NDUFA10: variants seen among roughly 807,000 people sequenced by gnomAD.
NDUFA10 encodes the protein NADH dehydrogenase [ubiquinone] 1 alpha subcomplex subunit 10, mitochondrial.
A neutral mutation model predicts 47.8 loss-of-function variants in NDUFA10; 40 were observed. The observed-to-expected ratio is 0.84, with a 90% CI of 0.65 to 1.09. The LOEUF (loss-of-function observed/expected upper bound fraction) is 1.09. NDUFA10 is among the 50% of genes least tolerant of loss of function. The probability of loss-of-function intolerance (pLI) is 0.00; values close to 1 mark genes in which losing one functional copy is unlikely to be tolerated. For synonymous variants in NDUFA10, 183 were observed against 172.2 expected (o/e 1.06, Z -0.49); for missense variants, 413 against 451.1 (o/e 0.92, Z 0.76).
At chr2:240,023,659 A>G (rs1697736078) in intron 1 of NDUFA10, among the ~76,000 whole-genome samples, 1 of 152,236 alleles carries the variant, frequency 6.6e-6, no homozygotes, top group Admixed American at 6.5e-5. Flanking sequence ...ATGGAATACT[A>G]AGTACTCAGA....
chr2:239,973,425 C>T, intron 9 of NDUFA10: 1 of 444,342 alleles, frequency 2.3e-6, no homozygotes, highest in East Asian at 7.0e-5. Context: ...ATAAAAACAT[C>T]TCTGTTTTAA....
chr2:239,971,787 A>G (rs560240457), intron 9 of NDUFA10, among the ~76,000 whole-genome samples: 17 of 152,310 alleles, frequency 1.1e-4, no homozygotes, highest in African/African-American at 4.1e-4. Context: ...TGTAACTTTT[A>G]GTGTGCTAAC....
In NDUFA10 at chr2:239,906,616, C is replaced by A. The variant is rs1262700057; in HGVS notation, c.295-11302G>T. On this transcript the variant is annotated intron_variant, in intron 4 of 5. Coordinates refer to the NDUFA10 transcript ENST00000419408. The surrounding 1 kb of genome is among the most constrained non-coding windows in gnomAD (Gnocchi z 4.3). ...CAGTGCACCCCATGGATGGCAAGAG[C>A]CAACCAGCGTGCCCCCGGGAATGCT... Among the ~76,000 whole-genome samples, 1 of 152,156 alleles carries A rather than the reference C, an allele frequency of 6.6e-6. No homozygotes were observed. Among genetic ancestry groups the A allele is most frequent in the Non-Finnish European group, 1.5e-5 (1 of 68,024 alleles).
chr2:239,939,064 C>T (rs962796100), intron 4 of NDUFA10, among the ~76,000 whole-genome samples: 18 of 152,190 alleles, frequency 1.2e-4, no homozygotes, highest in African/African-American at 4.1e-4. Context: ...GCTCTCCTTT[C>T]GCAGGGCTTA....
At chr2:239,991,321 T>C (rs1380167911) in intron 8 of NDUFA10, among the ~76,000 whole-genome samples, 1 of 152,216 alleles carries the variant, frequency 6.6e-6, no homozygotes, top group Admixed American at 6.5e-5. Flanking sequence ...GATCCAATAA[T>C]GCAAATGCCC....
At chr2:239,931,831 CTTTTTT>C (rs35581568) in intron 4 of NDUFA10, among the ~76,000 whole-genome samples, 2 of 90,184 alleles carry the variant, frequency 2.2e-5, no homozygotes, top group African/African-American at 4.6e-5. Flanking sequence ...TGCACCTCTG[CTTTTTT>C]TTTTTTTTTT....
At chr2:239,983,990 T>C (rs1160971916) in intron 9 of NDUFA10, among the ~76,000 whole-genome samples, 1 of 152,156 alleles carries the variant, frequency 6.6e-6, no homozygotes, top group Non-Finnish European at 1.5e-5. Flanking sequence ...CCCAGCACTT[T>C]GGGAGGCTGA....
intron 9 of NDUFA10, among the ~76,000 whole-genome samples, chr2:239,986,803 A>G (rs1696020307): frequency 6.6e-6 from 1 of 152,248 alleles, no homozygotes; most frequent in African/African-American, 2.4e-5. Flanking sequence ...ATATTCTCAA[A>G]GTATGTCCCC....
chr2:240,021,449 A>G (rs1216227145), intron 2 of NDUFA10, 37 bp from the exon 3 acceptor site: 12 of 1,579,912 alleles, frequency 7.6e-6, no homozygotes, highest in Non-Finnish European at 1.0e-5. Flanking sequence ...TCTGATGCAC[A>G]TCACTCACTC....
At chr2:240,020,285 C>T (rs1697566886) in intron 3 of NDUFA10, among the ~76,000 whole-genome samples, 1 of 152,182 alleles carries the variant, frequency 6.6e-6, no homozygotes, top group Non-Finnish European at 1.5e-5. Context: ...CACTGCCAAT[C>T]AACGAAAGCA....
chr2:239,999,522 T>C (rs1553569057), intron 8 of NDUFA10, among the ~76,000 whole-genome samples: 3 of 152,068 alleles, frequency 2.0e-5, no homozygotes, highest in South Asian at 2.1e-4. Flanking sequence ...GCCTCTTCCA[T>C]AGCAGCAGCA....
intron 9 of NDUFA10, among the ~76,000 whole-genome samples, chr2:239,971,807 T>C (rs368735795): frequency 2.1e-4 from 32 of 152,334 alleles, no homozygotes; most frequent in African/African-American, 7.5e-4. Context: ...CTCTTAAAAA[T>C]AACACAATAA....
rs1030963 is a variant in NDUFA10, at chr2:240,005,017, T to C, written c.890+193A>G. 0.12 allele frequency among the ~76,000 whole-genome samples: 18,069 copies of C among 152,200 alleles called. 1,255 individuals are homozygous for C. Among genetic ancestry groups the C allele is most frequent in the South Asian group, 0.16 (750 of 4,826 alleles). The stretch of plus-strand genomic sequence containing the variant: ...AGTGGAAGCAAAATGCCTGTTAAAT[T>C]AATAATGGCACTCAATAAATTAAGT... On this transcript the variant is annotated intron_variant, in intron 8 of 9. Coordinates refer to ENST00000252711, the MANE Select transcript of NDUFA10 (RefSeq NM_004544.4).
chr2:239,912,503 C>T (rs925267153), intron 4 of NDUFA10, among the ~76,000 whole-genome samples: 1 of 152,222 alleles, frequency 6.6e-6, no homozygotes, highest in Non-Finnish European at 1.5e-5. Flanking sequence ...GCTGCTCACC[C>T]TTCTGGGGTC....
At chr2:239,997,564 G>A (rs1418869725) in intron 8 of NDUFA10, among the ~76,000 whole-genome samples, 1 of 152,154 alleles carries the variant, frequency 6.6e-6, no homozygotes, top group Non-Finnish European at 1.5e-5. Context: ...CTCAATAGCT[G>A]TAAAATGCGT....
intron 4 of NDUFA10, among the ~76,000 whole-genome samples, chr2:239,913,305 C>A (rs1334664417): frequency 3.3e-5 from 5 of 152,242 alleles, no homozygotes; most frequent in Admixed American, 1.3e-4. Flanking sequence ...TGCTCCCTTC[C>A]TCCGAGGACG....
At chr2:239,925,532 A>G (rs1281581222) in intron 4 of NDUFA10, among the ~76,000 whole-genome samples, 1 of 152,230 alleles carries the variant, frequency 6.6e-6, no homozygotes, top group Non-Finnish European at 1.5e-5. Context: ...TTAACTCACA[A>G]TGGACCACAG....
intron 6 of NDUFA10, among the ~76,000 whole-genome samples, chr2:240,011,384 T>C (rs1015319087): frequency 3.3e-5 from 5 of 152,166 alleles, no homozygotes; most frequent in East Asian, 1.9e-4. Context: ...TTCAGAAATA[T>C]AGCAGAGCAA....
At position 239,990,087 on chromosome 2, in the gene NDUFA10, T is replaced by G; in HGVS notation, c.986A>C (p.His329Pro). 6.2e-7 allele frequency: 1 copy of G among 1,608,540 alleles called. No homozygotes were observed. The highest frequency in any genetic ancestry group is 1.3e-5 in the African/African-American group (1 of 74,948). Residue 329 changes from histidine (H) to proline (P), a missense_variant, in exon 9 of 10, where the codon CAT (histidine) becomes CCT (proline). Physicochemically the swap from His to Pro is moderately conservative, Grantham distance 77 (BLOSUM62 -2). Coordinates refer to ENST00000252711, the MANE Select transcript of NDUFA10 (RefSeq NM_004544.4). ...IGAHQTDRVL[H>P]QFRELPGRKY... ...CCACAGTCTTACCTCTCTGAACTGATGTAAGACACGGTCAGTCTGATGAGC... is the reference window on the plus strand; with the variant it reads ...CCACAGTCTTACCTCTCTGAACTGAGGTAAGACACGGTCAGTCTGATGAGC...
Sources: gnomAD v4.1 joint callset for allele counts (sites outside exome capture counted in the v4.1 genomes callset) on GRCh38, gnomAD v4.1.1 for gene constraint, Gnocchi (gnomAD v3.1) non-coding constraint, MANE v1.5 for transcripts, NCBI Gene and HGNC (gene_info 2026-07-23, HGNC 2026-07-21) for gene names.